ITGB5: variants seen among roughly 807,000 people sequenced by gnomAD.
The protein encoded by ITGB5 is integrin subunit beta 5, also known as integrin beta-5.
ITGB5 carries 38 observed loss-of-function variants against 84.8 expected under a neutral mutation model. That is an observed-to-expected ratio of 0.45 (90% CI 0.35 to 0.59). The LOEUF (loss-of-function observed/expected upper bound fraction) is 0.59, where lower values mean the gene tolerates loss of function less well. Among genes scored for constraint, ITGB5 ranks in the 20% least tolerant of loss-of-function variants. ITGB5 has a pLI of 0.01. For missense variants in ITGB5, 905 were observed against 1,034.5 expected (o/e 0.87, Z 1.72); for synonymous variants, 393 against 414.4 (o/e 0.95, Z 0.63).
chr3:124,839,027 A>C (rs777293548), intron 5 of ITGB5, among the ~76,000 whole-genome samples: 9 of 152,216 alleles, frequency 5.9e-5, no homozygotes, highest in Non-Finnish European at 1.2e-4. Flanking sequence ...GACATGTTTT[A>C]TAAGTAGGTG....
chr3:124,781,553 G>A (rs2064005188), intron 10 of ITGB5, among the ~76,000 whole-genome samples: 1 of 152,126 alleles, frequency 6.6e-6, no homozygotes, highest in South Asian at 2.1e-4. Flanking sequence ...CCTCACAAGG[G>A]ATCTCAGCTT....
rs187608134 is a variant in ITGB5 at position 124,780,288 on chromosome 3, C to T, written c.1694-6376G>A. ...GAGGCCCAAGGCAGCCATGGGTGAC[C>T]GCAGAGGGCTAGCAGGACCGCAGTG... On this transcript the variant is annotated intron_variant, in intron 10 of 14. Coordinates refer to ENST00000296181, the MANE Select transcript of ITGB5 (RefSeq NM_002213.5). Among the ~76,000 whole-genome samples, 31 of 152,284 alleles carry T rather than the reference C, an allele frequency of 2.0e-4. No individual in the cohort carries two copies. The South Asian group carries it at 2.3e-3, about 11-fold the overall frequency.
intron 11 of ITGB5, among the ~76,000 whole-genome samples, chr3:124,772,072 G>A (rs2063853403): frequency 6.8e-6 from 1 of 146,598 alleles, no homozygotes; most frequent in Non-Finnish European, 1.5e-5. Flanking sequence ...GCTGCTGGGA[G>A]CTGGAGGTTG....
In ITGB5 at chr3:124,796,524, C is replaced by T. The variant is rs759001545; in HGVS notation, c.1557G>A (p.Lys519=). 1.2e-6 allele frequency: 2 copies of T among 1,614,154 alleles called. No individual in the cohort carries two copies. Among genetic ancestry groups the T allele is most frequent in the Non-Finnish European group, 1.7e-6 (2 of 1,180,034 alleles). The change falls in exon 10 of 15, where the codon AAG becomes AAA. Residue 519 remains lysine (K), a synonymous_variant. Transcript: ENST00000296181. The part of the protein sequence containing the change: ...YQNLCREAEG[K]PLCSGRGDCS... ...AGTCCCCACGCCCGCTGCACAGTGG[C>T]TTGCCCTCTGCCTCCCGGCACAGGT...
chr3:124,884,939 G>C (rs900693135), intron 1 of ITGB5, among the ~76,000 whole-genome samples: 2 of 152,044 alleles, frequency 1.3e-5, no homozygotes, highest in Non-Finnish European at 2.9e-5. Flanking sequence ...CTCTGAAAAA[G>C]AGAAAGCAAG....
intron 5 of ITGB5, among the ~76,000 whole-genome samples, chr3:124,828,010 G>T (rs761223613): frequency 2.8e-5 from 4 of 144,400 alleles, no homozygotes; most frequent in African/African-American, 5.4e-5. Flanking sequence ...AGCTCCCTTC[G>T]CTGACTCTCT....
chr3:124,889,212 C>T (rs971886595), upstream of ITGB5, among the ~76,000 whole-genome samples: 1 of 152,172 alleles, frequency 6.6e-6, no homozygotes, highest in Non-Finnish European at 1.5e-5. Context: ...CAAATGAATA[C>T]CTGATTGCTC....
chr3:124,859,994 C>T (rs1417675485), intron 2 of ITGB5, among the ~76,000 whole-genome samples: 1 of 152,072 alleles, frequency 6.6e-6, no homozygotes, highest in East Asian at 1.9e-4. Flanking sequence ...GAAAAGTCTT[C>T]CCTTGGGCAT....
At chr3:124,824,928 G>C (rs1442150028) in intron 5 of ITGB5, among the ~76,000 whole-genome samples, 1 of 152,226 alleles carries the variant, frequency 6.6e-6, no homozygotes, top group African/African-American at 2.4e-5. Context: ...GCCTGGCGCG[G>C]TGGCTCATGC....
chr3:124,770,620 C>T (rs1046524801), intron 11 of ITGB5, among the ~76,000 whole-genome samples: 5 of 152,148 alleles, frequency 3.3e-5, no homozygotes, highest in African/African-American at 1.2e-4. Context: ...CTTTATTTTA[C>T]GGAGGAGAAC....
At chr3:124,879,515 CAAAT>C (rs1335512555) in intron 1 of ITGB5, among the ~76,000 whole-genome samples, 2 of 152,210 alleles carry the variant, frequency 1.3e-5, no homozygotes, top group African/African-American at 2.4e-5. Flanking sequence ...CCATGAAATG[CAAAT>C]ATGCCCTAGG....
intron 4 of ITGB5, among the ~76,000 whole-genome samples, chr3:124,845,888 A>G (rs2065070644): frequency 6.6e-6 from 1 of 152,234 alleles, no homozygotes; most frequent in Non-Finnish European, 1.5e-5. Context: ...CCTGGTAAGC[A>G]GCAAAATTTC....
chr3:124,776,037 G>A (rs2063921807), intron 10 of ITGB5, among the ~76,000 whole-genome samples: 1 of 152,242 alleles, frequency 6.6e-6, no homozygotes, highest in Admixed American at 6.5e-5. Flanking sequence ...GAAGCAGATG[G>A]CAAGCCCTCC....
At position 124,769,068 on chromosome 3, in the gene ITGB5, G is replaced by T; in HGVS notation, c.1962C>A (p.Asn654Lys). 6.2e-7 allele frequency: 1 copy of T among 1,614,050 alleles called. No homozygotes were observed. The highest frequency in any genetic ancestry group is 1.1e-5 in the South Asian group (1 of 91,074). The change falls in exon 12 of 15, where the codon AAC (asparagine) becomes AAA (lysine). Residue 654 changes from asparagine to lysine, a missense_variant. Physicochemically the swap from Asn to Lys is moderately conservative, Grantham distance 94. This residue lies in a region of ITGB5 where 116 missense variants were observed against 177.0 expected (regional missense o/e 0.66). Coordinates refer to ENST00000296181, the MANE Select transcript of ITGB5 (RefSeq NM_002213.5). ...CLLLHSGKPDNQTCHSLCRDE... is the reference protein window; with the variant it reads ...CLLLHSGKPDKQTCHSLCRDE... ...CCCTGCATAGGCTGTGGCAGGTCTGGTTGTCAGGTTTCCCAGAGTGGAGCA... is the reference window on the plus strand; with the variant it reads ...CCCTGCATAGGCTGTGGCAGGTCTGTTTGTCAGGTTTCCCAGAGTGGAGCA...
At chr3:124,852,683 CA>C (rs1161553718) in intron 3 of ITGB5, among the ~76,000 whole-genome samples, 1 of 151,906 alleles carries the variant, frequency 6.6e-6, no homozygotes, top group East Asian at 1.9e-4. Context: ...TTGAGAATTC[CA>C]GCAAAAACTT....
intron 10 of ITGB5, among the ~76,000 whole-genome samples, chr3:124,778,320 A>G (rs1297303112): frequency 6.6e-6 from 1 of 152,244 alleles, no homozygotes; most frequent in Non-Finnish European, 1.5e-5. Context: ...GCTGTATAGA[A>G]TTCAACAGCT....
chr3:124,802,643 T>C (rs769751741), intron 9 of ITGB5, among the ~76,000 whole-genome samples: 9 of 152,254 alleles, frequency 5.9e-5, no homozygotes, highest in Non-Finnish European at 1.3e-4. Context: ...TTAATGATTT[T>C]TGAACATGGA....
At chr3:124,814,256 ATATT>A (rs1030516493) in intron 8 of ITGB5, among the ~76,000 whole-genome samples, 128 of 152,056 alleles carry the variant, frequency 8.4e-4, no homozygotes, top group African/African-American at 3.0e-3. Flanking sequence ...TTACATTTCT[ATATT>A]TAATATATAT....
chr3:124,897,233 C>T (rs892270555), intron 1 of ITGB5, among the ~76,000 whole-genome samples: 2 of 152,236 alleles, frequency 1.3e-5, no homozygotes, highest in African/African-American at 4.8e-5. Flanking sequence ...CCTCCATGTC[C>T]TTCTTTTTTG....
Sources: gnomAD v4.1 joint callset for allele counts (sites outside exome capture counted in the v4.1 genomes callset) on GRCh38, gnomAD v4.1.1 for gene constraint, gnomAD v4.1.1 regional missense constraint, MANE v1.5 for transcripts, NCBI Gene and HGNC (gene_info 2026-07-23, HGNC 2026-07-21) for gene names.